The following RBBP5 variants were observed in gnomAD, a reference collection of about 807,000 sequenced individuals.
RBBP5 encodes RB binding protein 5, histone lysine methyltransferase complex subunit.
RBBP5 carries 5 observed loss-of-function variants against 72.2 expected under a neutral mutation model. The observed-to-expected ratio is 0.07, with a 90% confidence interval of 0.04 to 0.15. RBBP5 has a LOEUF of 0.15. Ranked by LOEUF, RBBP5 falls within the 10% of genes least tolerant of loss-of-function variation. The pLI is 1.00. For missense variants in RBBP5, 322 were observed against 652.2 expected (o/e 0.49, Z 5.51); for synonymous variants, 209 against 237.2 (o/e 0.88, Z 1.09).
In RBBP5 at chr1:205,115,784, A is replaced by T. The variant is rs1449696331; in HGVS notation, c.45+74T>A. On this transcript the variant is annotated intron_variant, in intron 2 of 13. Coordinates refer to ENST00000264515, the MANE Select transcript of RBBP5 (RefSeq NM_005057.4). Reference sequence around the variant, plus strand: ...TCTCTGTCAAAACACAAGGATCAAAAAGTATTTTCTGTTCTAACATAAACA... The same window carrying T: ...TCTCTGTCAAAACACAAGGATCAAATAGTATTTTCTGTTCTAACATAAACA... 7 of 1,441,342 alleles carry T rather than the reference A, an allele frequency of 4.9e-6. No individual in the cohort carries two copies. The African/African-American group carries it at 1.0e-4, about 21-fold the overall frequency. The allele number at this position is 1,441,342 out of a possible 1,614,324, so 89.3% of individuals were successfully genotyped here. A position where few individuals can be genotyped will look rare whatever the true frequency, so the allele number is the denominator to read the frequency against.
intron 3 of RBBP5, among the ~76,000 whole-genome samples, chr1:205,105,855 G>C (rs1439898057): frequency 6.6e-6 from 1 of 152,232 alleles, no homozygotes; most frequent in African/African-American, 2.4e-5. Context: ...CAGCAAGACA[G>C]AAAACTTTAA....
Position 205,097,319 on chromosome 1 carries a change from G to A in RBBP5, c.1166+7C>T, listed in dbSNP as rs961081297. The A allele has an allele frequency of 1.4e-5, 22 of 1,551,414 alleles. No homozygotes were observed. Among genetic ancestry groups the A allele is most frequent in the Middle Eastern group, 1.7e-4 (1 of 5,990 alleles). On this transcript the variant is annotated splice_region_variant and intron_variant, in intron 11 of 13. Coordinates refer to ENST00000264515, the MANE Select transcript of RBBP5 (RefSeq NM_005057.4). Reference sequence around the variant, plus strand: ...GCCAAGGTGCCCAGCCTTCCGGGCCGGCTCACCTGCTACAGAAGGCAGCAA... The same window carrying A: ...GCCAAGGTGCCCAGCCTTCCGGGCCAGCTCACCTGCTACAGAAGGCAGCAA...
rs1655558833 is a variant in RBBP5 at position 205,095,083 on chromosome 1, T to C, written c.1397-19A>G. 2 of 1,612,892 alleles carry C rather than the reference T, an allele frequency of 1.2e-6. No individual in the cohort carries two copies. The highest frequency in any genetic ancestry group is 2.7e-5 in the African/African-American group (2 of 74,976). On this transcript the variant is annotated intron_variant, in intron 12 of 13. Coordinates refer to ENST00000264515, the MANE Select transcript of RBBP5 (RefSeq NM_005057.4). ...TGGACTTCTGTAGGACAGACAGGCA[T>C]GGAAAGGAATCCACATGACACCAGT...
chr1:205,098,117 T>C (rs765546819), intron 10 of RBBP5, among the ~76,000 whole-genome samples: 54 of 152,184 alleles, frequency 3.5e-4, no homozygotes, highest in Admixed American at 1.0e-3. Context: ...AATTAATATC[T>C]TAGTGCTTAT....
rs1656507121 is a variant in RBBP5 at position 205,116,040 on chromosome 1, C to T, written c.20-157G>A. 4 of 1,462,560 alleles carry T rather than the reference C, an allele frequency of 2.7e-6. No individual in the cohort carries two copies. In the South Asian group the frequency reaches 4.7e-5, roughly 17 times the overall value. 90.6% of individuals were successfully genotyped at this position (1,462,560 alleles called of 1,614,324 possible). A position where few individuals can be genotyped will look rare whatever the true frequency, so the allele number is the denominator to read the frequency against. ...GGCCATACGGATTTTCAAGATCCTG[C>T]TAAGATGACTTGTTTACTCTCATTA... On this transcript the variant is annotated intron_variant, in intron 1 of 13. Coordinates refer to ENST00000264515, the MANE Select transcript of RBBP5 (RefSeq NM_005057.4).
At chr1:205,102,436 T>C (rs921624225) in intron 5 of RBBP5, among the ~76,000 whole-genome samples, 4 of 152,122 alleles carry the variant, frequency 2.6e-5, no homozygotes, top group African/African-American at 9.7e-5. Flanking sequence ...ATGATTCCCC[T>C]TATATGAGGT....
chr1:205,104,160 C>A, intron 4 of RBBP5, 141 bp from the exon 5 acceptor site: 4 of 829,920 alleles, frequency 4.8e-6, no homozygotes, highest in Non-Finnish European at 3.7e-6. Flanking sequence ...AGCATAAAAT[C>A]CACAGGTCTA....
At chr1:205,107,647 T>A (rs958328623) in intron 3 of RBBP5, among the ~76,000 whole-genome samples, 1 of 152,158 alleles carries the variant, frequency 6.6e-6, no homozygotes, top group Non-Finnish European at 1.5e-5. Flanking sequence ...TATGGGTAGA[T>A]AAAATTACTT....
chr1:205,089,992 T>A (rs540312745), intron 13 of RBBP5, among the ~76,000 whole-genome samples: 1 of 152,064 alleles, frequency 6.6e-6, no homozygotes, highest in Non-Finnish European at 1.5e-5. Context: ...GCTGGGATTA[T>A]AGGCGCCCAC....
rs112648081 is a variant in RBBP5 at position 205,121,947 on chromosome 1, G to T, written c.-74C>A. 3.8e-6 allele frequency: 6 copies of T among 1,597,952 alleles called. No individual in the cohort carries two copies. Among genetic ancestry groups the T allele is most frequent in the Non-Finnish European group, 5.1e-6 (6 of 1,176,376 alleles). The stretch of plus-strand genomic sequence containing the variant: ...TCCCCGGCCGGCTTCAGCAACTTGC[G>T]TCTAAGTGGTGGACGCCGCGAAGAG... On this transcript the variant is annotated 5_prime_UTR_variant, in exon 1 of 14. Transcript: ENST00000264515.
intron 13 of RBBP5, among the ~76,000 whole-genome samples, chr1:205,093,480 AT>A (rs1302347741): frequency 0.37 from 2,855 of 7,814 alleles, 1,101 homozygotes; most frequent in South Asian, 0.88. Context: ...AAAAAAAAAA[AT>A]ATATATATAT....
intron 13 of RBBP5, among the ~76,000 whole-genome samples, chr1:205,089,499 G>A: frequency 6.6e-6 from 1 of 152,320 alleles, no homozygotes; most frequent in Non-Finnish European, 1.5e-5. Context: ...AGAAGAAGGT[G>A]AAGAAAATCC....
At position 205,107,056 on chromosome 1, in the gene RBBP5, A is replaced by ATG. The variant is rs572047026; in HGVS notation, c.219-1890_219-1889dup. Among the ~76,000 whole-genome samples, 578 of 149,940 alleles carry ATG rather than the reference A, an allele frequency of 3.9e-3. 9 individuals are homozygous for ATG. The highest frequency in any genetic ancestry group is 0.021 in the East Asian group (110 of 5,138). ...TGTGTGTATATATGTGTGTATATGTATGTGTGTGTGTGTGTATACATATAT... is the reference window on the plus strand; with the variant it reads ...TGTGTGTATATATGTGTGTATATGTATGTGTGTGTGTGTGTGTATACATATAT... On this transcript the variant is annotated intron_variant, in intron 3 of 13. Transcript: ENST00000264515.
rs1655670498 is a variant in RBBP5 at position 205,097,708 on chromosome 1, A to C, written c.1097-313T>G. Among the ~76,000 whole-genome samples the C allele has an allele frequency of 2.0e-5, 3 of 152,240 alleles. No individual in the cohort carries two copies. In the South Asian group the frequency reaches 6.2e-4, roughly 31 times the overall value. The stretch of plus-strand genomic sequence containing the variant: ...GTAACTTGCTCAGGATATGGGAAGG[A>C]GGAACAATTTATGTGGAAATCTGGG... On this transcript the variant is annotated intron_variant, in intron 10 of 13. Transcript: ENST00000264515.
At chr1:205,114,118 T>C (rs1366957863) in intron 3 of RBBP5, among the ~76,000 whole-genome samples, 1 of 152,248 alleles carries the variant, frequency 6.6e-6, no homozygotes. Flanking sequence ...AGGCCACCAG[T>C]ACTTTACTGG....
At chr1:205,100,632 TATGTCATTTTAAA>T (rs2102283094) in intron 6 of RBBP5, among the ~76,000 whole-genome samples, 1 of 152,338 alleles carries the variant, frequency 6.6e-6, no homozygotes, top group East Asian at 1.9e-4. Context: ...ATAAACTAAA[TATGTCATTTTAAA>T]ATGTCATTTT....
At chr1:205,093,837 G>T (rs937104253) in intron 13 of RBBP5, among the ~76,000 whole-genome samples, 1 of 151,882 alleles carries the variant, frequency 6.6e-6, no homozygotes, top group Non-Finnish European at 1.5e-5. Flanking sequence ...ATTAAACAAA[G>T]AATTCTGTTT....
In RBBP5 at chr1:205,094,561, T is replaced by C. The variant is rs548103592; in HGVS notation, c.1588+312A>G. On this transcript the variant is annotated intron_variant, in intron 13 of 13. Coordinates refer to ENST00000264515, the MANE Select transcript of RBBP5 (RefSeq NM_005057.4). ...GAGGTTCTTACCCTTCTTTGGGTCA[T>C]GAATTCCTACAGGAATCTGAGGAAA... 2.6e-5 allele frequency among the ~76,000 whole-genome samples: 4 copies of C among 152,354 alleles called. No individual in the cohort carries two copies. The East Asian group carries it at 5.8e-4, about 22-fold the overall frequency.
intron 3 of RBBP5, among the ~76,000 whole-genome samples, chr1:205,112,590 T>C (rs1363141840): frequency 6.6e-6 from 1 of 152,008 alleles, no homozygotes; most frequent in Non-Finnish European, 1.5e-5. Flanking sequence ...CAACACCTGC[T>C]GAATAAATGA....
Sources: allele counts gnomAD v4.1 joint callset (sites outside exome capture counted in the v4.1 genomes callset), GRCh38; gene constraint gnomAD v4.1.1; transcripts MANE v1.5; gene names NCBI Gene and HGNC (gene_info 2026-07-23, HGNC 2026-07-21).